ENPP3: variants seen among roughly 807,000 people sequenced by gnomAD.
The protein encoded by ENPP3 is ectonucleotide pyrophosphatase/phosphodiesterase family member 3.
In ENPP3, 104 loss-of-function variants were observed where a neutral mutation model predicts 117.8. The ratio of observed to expected loss-of-function variants is 0.88; its 90% CI spans 0.75 to 1.04. The LOEUF is 1.04. Ranked by LOEUF, ENPP3 falls within the 50% of genes least tolerant of loss-of-function variation. The probability of loss-of-function intolerance (pLI) is 0.00; values close to 1 mark genes in which losing one functional copy is unlikely to be tolerated. For missense variants in ENPP3, 1,026 were observed against 1,051.9 expected, an observed-to-expected ratio of 0.98 and a Z score of 0.34; for synonymous variants, 380 against 349.9, an observed-to-expected ratio of 1.09 and a Z score of -0.96.
chr6:131,692,850 TATG>T (rs1245956227), intron 14 of ENPP3, among the ~76,000 whole-genome samples: 2 of 129,028 alleles, frequency 1.6e-5, no homozygotes, highest in South Asian at 2.3e-4. Context: ...ATATGATATA[TATG>T]ATATGTGATA....
intron 15 of ENPP3, among the ~76,000 whole-genome samples, chr6:131,705,027 AGAG>A (rs1354828962): frequency 7.4e-5 from 2 of 27,046 alleles, no homozygotes; most frequent in African/African-American, 4.8e-4. Context: ...TTGAACATTT[AGAG>A]GACATTATAG....
intron 15 of ENPP3, among the ~76,000 whole-genome samples, chr6:131,696,058 C>T (rs999149623): frequency 6.6e-6 from 1 of 152,126 alleles, no homozygotes; most frequent in African/African-American, 2.4e-5. Context: ...TAGGTTAGGT[C>T]CCCTTTGTAC....
At position 131,685,413 on chromosome 6, in the gene ENPP3, T is replaced by C. The variant is rs1282510639; in HGVS notation, c.1170T>C (p.Phe390=). 1 of 1,613,272 alleles carries C rather than the reference T, an allele frequency of 6.2e-7. No homozygotes were observed. The change falls in exon 13 of 25, where the codon TTT becomes TTC. Residue 390 remains phenylalanine, a synonymous_variant. Transcript: ENST00000357639. ...CNKMEYMTDY[F]PRINFFYMYE... is the part of the protein sequence containing the mutation. The stretch of plus-strand genomic sequence containing the variant: ...AGATGGAATACATGACTGATTATTT[T>C]CCCAGAATAAACTTCTTCTACATGT...
At chr6:131,641,365 A>T in intron 1 of ENPP3, 90 bp from the exon 2 acceptor site, 1 of 750,988 alleles carries the variant, frequency 1.3e-6, no homozygotes, top group East Asian at 2.8e-5. Context: ...CGCTGCAGGT[A>T]CTTAGAGAGA....
At chr6:131,650,651 A>T (rs77679222) in intron 3 of ENPP3, among the ~76,000 whole-genome samples, 2,124 of 152,246 alleles carry the variant, frequency 0.014, 45 homozygotes, top group African/African-American at 0.046. Context: ...TGGAAGTCCA[A>T]CTTCTAGGTG....
At chr6:131,737,110 A>C (rs977242020) in intron 21 of ENPP3, among the ~76,000 whole-genome samples, 1 of 152,158 alleles carries the variant, frequency 6.6e-6, no homozygotes, top group Non-Finnish European at 1.5e-5. Flanking sequence ...CCTATTTCCA[A>C]ATAAGTTTAT....
chr6:131,736,771 CA>C (rs1174159281), intron 21 of ENPP3, among the ~76,000 whole-genome samples: 2 of 151,998 alleles, frequency 1.3e-5, no homozygotes, highest in African/African-American at 4.8e-5. Flanking sequence ...AACAAATTAC[CA>C]AAAAAGGTTG....
chr6:131,739,794 G>T (rs1780487086), intron 23 of ENPP3, among the ~76,000 whole-genome samples: 1 of 151,276 alleles, frequency 6.6e-6, no homozygotes. Context: ...TTATTGGCCT[G>T]GTGCAGTGGC....
At chr6:131,689,532 A>G (rs1031896301) in intron 14 of ENPP3, among the ~76,000 whole-genome samples, 1 of 152,164 alleles carries the variant, frequency 6.6e-6, no homozygotes, top group Non-Finnish European at 1.5e-5. Flanking sequence ...TTCTGCTCAG[A>G]AAAAAAGGTT....
chr6:131,641,437 T>G lies in ENPP3; in HGVS notation c.79-18T>G. 1.9e-6 allele frequency: 3 copies of G among 1,579,388 alleles called. No homozygotes were observed. The highest frequency in any genetic ancestry group is 2.6e-6 in the Non-Finnish European group (3 of 1,150,546). ...TTTTTAAAAAATTATAAAAGTTACT[T>G]TTTCCTTTTTGCAATAGGTTCTTCT... On this transcript the variant is annotated intron_variant, in intron 1 of 24. Coordinates refer to ENST00000357639, the MANE Select transcript of ENPP3 (RefSeq NM_005021.5).
chr6:131,661,570 G>A (rs774760049), intron 6 of ENPP3, among the ~76,000 whole-genome samples: 4 of 152,146 alleles, frequency 2.6e-5, no homozygotes, highest in Non-Finnish European at 5.9e-5. Context: ...GATTACAGGT[G>A]TGAGCCACTG....
chr6:131,690,561 A>G (rs1188636242), intron 14 of ENPP3, among the ~76,000 whole-genome samples: 5 of 152,208 alleles, frequency 3.3e-5, no homozygotes, highest in Admixed American at 6.5e-5. Flanking sequence ...TGGGAAACCA[A>G]TTCATATGAC....
intron 24 of ENPP3, among the ~76,000 whole-genome samples, chr6:131,741,159 G>T (rs1780520226): frequency 6.6e-6 from 1 of 152,066 alleles, no homozygotes; most frequent in South Asian, 2.1e-4. Context: ...AATTCGACTT[G>T]CATATAAATT....
chr6:131,740,304 C>T lies in ENPP3; in HGVS notation c.2381C>T (p.Pro794Leu), dbSNP rs149553053. The T allele has an allele frequency of 6.6e-5, 106 of 1,613,062 alleles. No individual in the cohort carries two copies. The highest frequency in any genetic ancestry group is 3.2e-4 in the African/African-American group (24 of 74,850). The part of the protein sequence containing the change: ...LTSCKNKSHT[P>L]ENCPGWLDVL... ...AGTTGTAAAAACAAGAGCCACACAC[C>T]GGAAAACTGCCCTGGGTGGCTGGAT... Residue 794 changes from proline to leucine, a missense_variant, in exon 24 of 25, where the codon CCG becomes CTG. Pro to Leu is a moderately conservative substitution (Grantham distance 98). Coordinates refer to ENST00000357639, the MANE Select transcript of ENPP3 (RefSeq NM_005021.5).
intron 14 of ENPP3, among the ~76,000 whole-genome samples, chr6:131,693,078 G>C (rs1257404485): frequency 7.1e-6 from 1 of 141,332 alleles, no homozygotes; most frequent in Non-Finnish European, 1.5e-5. Flanking sequence ...TATTATATAT[G>C]GTTATATATT....
At chr6:131,724,117 T>A (rs1372100746) in intron 19 of ENPP3, 26 bp downstream of exon 19, 38 of 1,545,380 alleles carry the variant, frequency 2.5e-5, no homozygotes, top group Non-Finnish European at 3.3e-5. Flanking sequence ...ACATGTTAAG[T>A]CTTTGATATT....
chr6:131,682,924 G>A, intron 11 of ENPP3, 130 bp from the exon 12 acceptor site: 1 of 669,254 alleles, frequency 1.5e-6, no homozygotes. Context: ...CTAGTGCTGG[G>A]CTCTGAGGTT....
At chr6:131,664,610 TA>T (rs1426273206) in intron 6 of ENPP3, among the ~76,000 whole-genome samples, 1 of 152,196 alleles carries the variant, frequency 6.6e-6, no homozygotes. Flanking sequence ...CTCACTGACT[TA>T]CTCAGAGCAA....
intron 24 of ENPP3, among the ~76,000 whole-genome samples, chr6:131,741,516 G>A (rs1162917821): frequency 6.6e-6 from 1 of 152,152 alleles, no homozygotes; most frequent in African/African-American, 2.4e-5. Flanking sequence ...ATAAAATAAG[G>A]TGTAAGTAGG....
Sources: gnomAD v4.1 joint callset for allele counts (sites outside exome capture counted in the v4.1 genomes callset) on GRCh38, gnomAD v4.1.1 for gene constraint, MANE v1.5 for transcripts, NCBI Gene and HGNC (gene_info 2026-07-23, HGNC 2026-07-21) for gene names.